BCAS3: variants seen among roughly 807,000 people sequenced by gnomAD.
BCAS3 encodes the protein BCAS4/BCAS3 fusion.
BCAS3 carries 53 observed loss-of-function variants against 116.1 expected under a neutral mutation model. The ratio of observed to expected loss-of-function variants is 0.46; its 90% CI spans 0.37 to 0.57. The LOEUF (loss-of-function observed/expected upper bound fraction) is 0.57, where lower values mean the gene tolerates loss of function less well. Ranked by LOEUF, BCAS3 falls within the 20% of genes least tolerant of loss-of-function variation. BCAS3 has a pLI of 0.00. For synonymous variants in BCAS3, 391 were observed against 408.2 expected (o/e 0.96, Z 0.51); for missense variants, 917 against 1,165.4 (o/e 0.79, Z 3.10).
chr17:60,804,571 T>A (rs1445809533), intron 6 of BCAS3, among the ~76,000 whole-genome samples: 5 of 152,214 alleles, frequency 3.3e-5, no homozygotes, highest in Non-Finnish European at 7.3e-5. Context: ...CTTTATATCT[T>A]CTATCTCATT....
intron 6 of BCAS3, among the ~76,000 whole-genome samples, chr17:60,771,322 A>G (rs1302656260): frequency 1.3e-5 from 2 of 152,116 alleles, no homozygotes; most frequent in Non-Finnish European, 2.9e-5. Flanking sequence ...TAAGGGTGAA[A>G]TGCAATGGAA....
chr17:61,201,426 AT>A (rs1816372266), intron 22 of BCAS3, among the ~76,000 whole-genome samples: 1 of 152,268 alleles, frequency 6.6e-6, no homozygotes. Context: ...TCCAAGAGGA[AT>A]TCCTTAAGCT....
At chr17:61,049,890 G>A (rs928846745) in intron 19 of BCAS3, among the ~76,000 whole-genome samples, 10 of 151,612 alleles carry the variant, frequency 6.6e-5, no homozygotes, top group African/African-American at 2.2e-4. Flanking sequence ...GCGCCACCAC[G>A]CCTGGCTAAT....
In BCAS3 at chr17:61,239,550, C is replaced by A. The variant is rs548945103; in HGVS notation, c.2426-128777C>A. ...AATCATTTGCATTTTATCAGTGGCT[C>A]CAAGATTAATATAAAAAGAGAACTT... On this transcript the variant is annotated intron_variant, in intron 22 of 23. Transcript: ENST00000407086. This position sits in a 1 kb window ranked among gnomAD's most constrained non-coding sequence, Gnocchi z 4.2. Among the ~76,000 whole-genome samples, 1 of 152,166 alleles carries A rather than the reference C, an allele frequency of 6.6e-6. No individual in the cohort carries two copies. Among genetic ancestry groups the A allele is most frequent in the Admixed American group, 6.5e-5 (1 of 15,282 alleles).
chr17:61,103,740 C>G (rs1391271264), intron 22 of BCAS3, among the ~76,000 whole-genome samples: 1 of 152,182 alleles, frequency 6.6e-6, no homozygotes. Flanking sequence ...ATTGCTCCCT[C>G]ACAGCAACTA....
At position 61,333,601 on chromosome 17, in the gene BCAS3, G is replaced by C. The variant is rs2056467925; in HGVS notation, c.2426-34726G>C. On this transcript the variant is annotated intron_variant, in intron 22 of 23. Transcript: ENST00000407086. The surrounding 1 kb of genome is among the most constrained non-coding windows in gnomAD (Gnocchi z 4.8). ...TAAACTAGCACTAGAGCTTTATCAA[G>C]TTCTTGAAACTTTCTTTTTTTTTCT... is the stretch of plus-strand genomic sequence containing the variant. Among the ~76,000 whole-genome samples the C allele has an allele frequency of 6.6e-6, 1 of 151,336 alleles. No homozygotes were observed. The highest frequency in any genetic ancestry group is 1.5e-5 in the Non-Finnish European group (1 of 67,910).
chr17:60,768,545 C>G (rs1166139963), intron 6 of BCAS3, among the ~76,000 whole-genome samples: 1 of 152,184 alleles, frequency 6.6e-6, no homozygotes, highest in Non-Finnish European at 1.5e-5. Flanking sequence ...ACCTTGCAGA[C>G]AGCCTATTGT....
chr17:60,951,685 A>G (rs1308890406), intron 14 of BCAS3, among the ~76,000 whole-genome samples: 3 of 151,182 alleles, frequency 2.0e-5, no homozygotes, highest in Admixed American at 6.6e-5. Context: ...CTTAAAAGCT[A>G]TGTATGTTTA....
chr17:61,273,969 A>AT (rs2050540973), intron 22 of BCAS3, among the ~76,000 whole-genome samples: 2 of 143,328 alleles, frequency 1.4e-5, no homozygotes, highest in Non-Finnish European at 3.1e-5. Context: ...AAATTTTATT[A>AT]TTATTATACT....
chr17:60,758,144 C>G (rs1598494653), intron 6 of BCAS3, among the ~76,000 whole-genome samples: 3 of 152,114 alleles, frequency 2.0e-5, no homozygotes, highest in South Asian at 2.1e-4. Flanking sequence ...TCATGCTATT[C>G]TGGTTACTAT....
intron 12 of BCAS3, among the ~76,000 whole-genome samples, chr17:60,916,251 C>T (rs143954649): frequency 6.6e-6 from 1 of 152,146 alleles, no homozygotes. Context: ...ATTTTATATT[C>T]CCACCAGCAC....
chr17:60,978,739 G>A (rs1477202474), intron 14 of BCAS3, among the ~76,000 whole-genome samples: 2 of 151,284 alleles, frequency 1.3e-5, no homozygotes, highest in South Asian at 2.1e-4. Flanking sequence ...AGTTTTCCCA[G>A]CACCATTTAT....
At chr17:60,942,129 G>A (rs2060253876) in intron 13 of BCAS3, among the ~76,000 whole-genome samples, 1 of 152,052 alleles carries the variant, frequency 6.6e-6, no homozygotes. Context: ...CTAAACTTAG[G>A]AATTCATTGT....
At chr17:60,785,085 C>T (rs1480359349) in intron 6 of BCAS3, among the ~76,000 whole-genome samples, 3 of 152,052 alleles carry the variant, frequency 2.0e-5, no homozygotes, top group East Asian at 3.9e-4. Context: ...GGCAACAGAG[C>T]GAGACTCCGT....
rs2079971026 is a variant in BCAS3 at position 61,189,435 on chromosome 17, T to C, written c.2425+104871T>C. Among the ~76,000 whole-genome samples, 2 of 152,226 alleles carry C rather than the reference T, an allele frequency of 1.3e-5. No individual in the cohort carries two copies. The highest frequency in any genetic ancestry group is 6.5e-5 in the Admixed American group (1 of 15,282). ...ATTTTAGTTAAGGAACTTGGACTTA[T>C]ATCCTATAAGGATGGAGAAGGGTCT... On this transcript the variant is annotated intron_variant, in intron 22 of 23. Coordinates refer to ENST00000407086, the MANE Select transcript of BCAS3 (RefSeq NM_017679.5). This position sits in a 1 kb window ranked among gnomAD's most constrained non-coding sequence, Gnocchi z 4.5.
chr17:60,689,885 A>G, intron 4 of BCAS3, 124 bp downstream of exon 4: 1 of 665,862 alleles, frequency 1.5e-6, no homozygotes, highest in East Asian at 2.8e-5. Context: ...AGTTTTCAAA[A>G]TAAAAGGTAG....
chr17:60,786,502 A>C (rs1415476753), intron 6 of BCAS3, among the ~76,000 whole-genome samples: 1 of 151,364 alleles, frequency 6.6e-6, no homozygotes, highest in Non-Finnish European at 1.5e-5. Context: ...AGCCTAAGTG[A>C]CAGAGCAAGA....
In BCAS3 at chr17:61,249,149, T is replaced by C. The variant is rs1568664565; in HGVS notation, c.2426-119178T>C. On this transcript the variant is annotated intron_variant, in intron 22 of 23. Transcript: ENST00000407086. The surrounding 1 kb of genome is among the most constrained non-coding windows in gnomAD (Gnocchi z 6.2). ...AAAAATACAAAAAATTAGCCGGGAA[T>C]GGTGGCGGGTGCCTGTAATCCCAGC... is the stretch of plus-strand genomic sequence containing the variant. Among the ~76,000 whole-genome samples, 1 of 151,994 alleles carries C rather than the reference T, an allele frequency of 6.6e-6. No homozygotes were observed. The highest frequency in any genetic ancestry group is 2.4e-5 in the African/African-American group (1 of 41,366).
At chr17:61,299,589 C>G (rs2053270240) in intron 22 of BCAS3, among the ~76,000 whole-genome samples, 1 of 152,026 alleles carries the variant, frequency 6.6e-6, no homozygotes, top group South Asian at 2.1e-4. Flanking sequence ...CAAAGAATCT[C>G]ATTAATATTT....
Sources: allele counts gnomAD v4.1 joint callset (sites outside exome capture counted in the v4.1 genomes callset), GRCh38; gene constraint gnomAD v4.1.1; non-coding constraint Gnocchi (gnomAD v3.1); transcripts MANE v1.5; gene names NCBI Gene and HGNC (gene_info 2026-07-23, HGNC 2026-07-21).